Variants in ITGAL observed in about 807,000 individuals in gnomAD.
ITGAL encodes the protein integrin alpha-L.
Under a neutral mutation model 138.4 loss-of-function variants are expected in ITGAL, and 68 were observed. That is an observed-to-expected ratio of 0.49 (90% CI 0.40 to 0.60). ITGAL has a LOEUF of 0.60. Ranked by LOEUF, ITGAL falls within the 20% of genes least tolerant of loss-of-function variation. The probability of loss-of-function intolerance (pLI) is 0.00; values close to 1 mark genes in which losing one functional copy is unlikely to be tolerated. For synonymous variants in ITGAL, 561 were observed against 584.3 expected (o/e 0.96, Z 0.57); for missense variants, 1,256 against 1,478.6 (o/e 0.85, Z 2.47).
At chr16:30,479,530 A>C in intron 6 of ITGAL, 69 bp downstream of exon 6, 1 of 1,491,544 alleles carries the variant, frequency 6.7e-7, no homozygotes, top group Non-Finnish European at 9.2e-7. Flanking sequence ...TAAACCATGA[A>C]AGGAAATGTT....
intron 21 of ITGAL, 141 bp downstream of exon 21, chr16:30,506,997 C>A: frequency 1.1e-6 from 1 of 871,884 alleles, no homozygotes; most frequent in Non-Finnish European, 1.8e-6. Flanking sequence ...TCTGGGTTCC[C>A]AGCCTCGAGC....
intron 6 of ITGAL, 22 bp from the exon 7 acceptor site, chr16:30,481,417 C>A: frequency 1.3e-6 from 2 of 1,519,596 alleles, no homozygotes; most frequent in Non-Finnish European, 1.8e-6. Flanking sequence ...AACTGAATGT[C>A]ATTTCTTCCT....
intron 9 of ITGAL, among the ~76,000 whole-genome samples, chr16:30,487,491 C>T (rs1293950462): frequency 2.0e-5 from 3 of 152,122 alleles, no homozygotes; most frequent in African/African-American, 7.2e-5. Context: ...CTCACTGCAA[C>T]CTCAGCCTCC....
chr16:30,488,954 G>C, intron 9 of ITGAL, 128 bp from the exon 10 acceptor site: 1 of 762,890 alleles, frequency 1.3e-6, no homozygotes, highest in East Asian at 2.6e-5. Flanking sequence ...GGGTCTGCCT[G>C]ACCCTCACAT....
At chr16:30,519,764 C>G (rs887782373) in intron 29 of ITGAL, 93 bp from the exon 30 acceptor site, 5 of 815,018 alleles carry the variant, frequency 6.1e-6, no homozygotes, top group African/African-American at 5.0e-5. Flanking sequence ...TGATGCAGTC[C>G]GGATAGGAGG....
At chr16:30,485,387 T>C (rs1480423267) in intron 9 of ITGAL, among the ~76,000 whole-genome samples, 2 of 148,836 alleles carry the variant, frequency 1.3e-5, no homozygotes, top group Admixed American at 6.8e-5. Flanking sequence ...CCACCACGCC[T>C]GGCTAATTTT....
chr16:30,496,055 G>A (rs1258043078), intron 13 of ITGAL, 42 bp from the exon 14 acceptor site: 2 of 1,484,018 alleles, frequency 1.3e-6, no homozygotes, highest in African/African-American at 1.4e-5. Flanking sequence ...GTGACAGCAT[G>A]CTGAGTGACT....
chr16:30,516,965 T>C lies in ITGAL; in HGVS notation c.2863-8T>C, dbSNP rs2051175377. ...TCAGGGCTCTGCATCCCTTGTCCTC[T>C]GTGCCAGGTGAGGATCCAGCCTTCC... On this transcript the variant is annotated splice_region_variant and splice_polypyrimidine_tract_variant and intron_variant, in intron 25 of 30. Transcript: ENST00000356798. The C allele has an allele frequency of 6.2e-7, 1 of 1,601,328 alleles. No individual in the cohort carries two copies. The highest frequency in any genetic ancestry group is 1.3e-5 in the African/African-American group (1 of 74,660).
chr16:30,516,116 C>T (rs189553360), intron 25 of ITGAL, among the ~76,000 whole-genome samples: 3 of 152,328 alleles, frequency 2.0e-5, no homozygotes, highest in African/African-American at 7.2e-5. Context: ...TAATTTGATA[C>T]ATTTCCCTGC....
At chr16:30,485,179 TCTCCTCCCCC>T (rs1346087769) in intron 9 of ITGAL, among the ~76,000 whole-genome samples, 1 of 49,518 alleles carries the variant, frequency 2.0e-5, no homozygotes, top group Non-Finnish European at 3.9e-5. Flanking sequence ...TCTCCTCCCC[TCTCCTCCCCC>T]CTTCCTCTCC....
At chr16:30,518,895 G>A (rs1011460422) in intron 29 of ITGAL, among the ~76,000 whole-genome samples, 176 bp downstream of exon 29, 3 of 152,122 alleles carry the variant, frequency 2.0e-5, no homozygotes, top group Non-Finnish European at 4.4e-5. Context: ...CAACCCCAGA[G>A]TTGCCTGAGA....
At chr16:30,481,932 C>T (rs920934097) in intron 7 of ITGAL, among the ~76,000 whole-genome samples, 2 of 152,078 alleles carry the variant, frequency 1.3e-5, no homozygotes, top group Non-Finnish European at 2.9e-5. Flanking sequence ...GCTCTTGTTG[C>T]CCAGGCTGTA....
At position 30,472,761 on chromosome 16, in the gene ITGAL, C is replaced by A; in HGVS notation, c.-77C>A. 7.6e-7 allele frequency: 1 copy of A among 1,320,780 alleles called. No homozygotes were observed. Among genetic ancestry groups the A allele is most frequent in the Non-Finnish European group, 1.1e-6 (1 of 925,014 alleles). 81.8% of individuals were successfully genotyped at this position (1,320,780 alleles called of 1,614,324 possible). ...GGCATGATCATTTTCCTCTTTCACC[C>A]TGTCTAGGTTGCCAGCAAATCCCAC... On this transcript the variant is annotated 5_prime_UTR_variant, in exon 1 of 31. The change creates a new upstream start codon in the 5' untranslated region. Coordinates refer to ENST00000356798, the MANE Select transcript of ITGAL (RefSeq NM_002209.3).
At chr16:30,499,734 T>TATGTATATATATATATATATATATA (rs71149033) in intron 17 of ITGAL, among the ~76,000 whole-genome samples, 25 of 76,620 alleles carry the variant, frequency 3.3e-4, no homozygotes, top group African/African-American at 2.0e-3. Context: ...TATATATATA[T>TATGTATATATATATATATATATATA]TTTTTTTTTT....
chr16:30,511,101 C>T lies in ITGAL; in HGVS notation c.2751C>T (p.Ile917=). Residue 917 remains isoleucine (I), a synonymous_variant, in exon 24 of 31, where the codon ATC becomes ATT. Coordinates refer to ENST00000356798, the MANE Select transcript of ITGAL (RefSeq NM_002209.3). ...AGGACAACTCAGCCACTACCATCAT[C>T]CCCATCCTGTACCCCATCAACATCC... is the stretch of plus-strand genomic sequence containing the variant. ...LLEDNSATTI[I]PILYPINILI... is the part of the protein sequence containing the mutation. The T allele has an allele frequency of 6.2e-7, 1 of 1,613,922 alleles. No homozygotes were observed. The highest frequency in any genetic ancestry group is 8.5e-7 in the Non-Finnish European group (1 of 1,179,856).
intron 24 of ITGAL, among the ~76,000 whole-genome samples, chr16:30,511,508 G>C (rs1245159981): frequency 6.6e-6 from 1 of 152,164 alleles, no homozygotes; most frequent in Non-Finnish European, 1.5e-5. Flanking sequence ...CTCAGAGAAG[G>C]CCGGCACTTA....
In ITGAL at chr16:30,521,794, A is replaced by G. The variant is rs189126934; in HGVS notation, c.*129A>G. The G allele has an allele frequency of 2.7e-5, 23 of 858,558 alleles. No individual in the cohort carries two copies. The East Asian group carries it at 3.3e-4, about 12-fold the overall frequency. 53.2% of individuals were successfully genotyped at this position (858,558 alleles called of 1,614,324 possible). A position where few individuals can be genotyped will look rare whatever the true frequency, so the allele number is the denominator to read the frequency against. ...CCTCTCCCTGGCCCTCAGTTTCCCT[A>G]TCTCGAACATGGAACTCATTCCTGC... is the stretch of plus-strand genomic sequence containing the variant. On this transcript the variant is annotated 3_prime_UTR_variant, in exon 31 of 31. Transcript: ENST00000356798.
rs543194640 is a variant in ITGAL at position 30,502,601 on chromosome 16, A to G, written c.2146-1574A>G. Among the ~76,000 whole-genome samples, 3 of 151,334 alleles carry G rather than the reference A, an allele frequency of 2.0e-5. No homozygotes were observed. In the East Asian group the frequency reaches 6.0e-4, roughly 30 times the overall value. The stretch of plus-strand genomic sequence containing the variant: ...ATCTCTACTAAAAATGCAAAAAATT[A>G]GCCAGGTGTGGTGGCAGGCGCCTGT... On this transcript the variant is annotated intron_variant, in intron 17 of 30. Coordinates refer to ENST00000356798, the MANE Select transcript of ITGAL (RefSeq NM_002209.3).
rs1273434049 is a variant in ITGAL, at chr16:30,519,848, T to C, written c.3229-9T>C. 1.9e-6 allele frequency: 3 copies of C among 1,599,534 alleles called. No individual in the cohort carries two copies. In the South Asian group the frequency reaches 3.3e-5, roughly 18 times the overall value. ...GCATTTTCCGGCACTCCCCTCCCCCTGCTCCCAGGTTGTCATGAAGGTTGA... is the reference window on the plus strand; with the variant it reads ...GCATTTTCCGGCACTCCCCTCCCCCCGCTCCCAGGTTGTCATGAAGGTTGA... On this transcript the variant is annotated splice_polypyrimidine_tract_variant and intron_variant, in intron 29 of 30. Transcript: ENST00000356798.
Sources: allele counts gnomAD v4.1 joint callset (sites outside exome capture counted in the v4.1 genomes callset), GRCh38; gene constraint gnomAD v4.1.1; transcripts MANE v1.5; gene names NCBI Gene and HGNC (gene_info 2026-07-23, HGNC 2026-07-21).